MED1: variants seen among roughly 807,000 people sequenced by gnomAD.
MED1 encodes mediator of RNA polymerase II transcription subunit 1.
MED1 carries 17 observed loss-of-function variants against 121.3 expected under a neutral mutation model. The observed-to-expected ratio is 0.14, with a 90% CI of 0.10 to 0.21. The LOEUF (loss-of-function observed/expected upper bound fraction) is 0.21. Ranked by LOEUF, MED1 falls within the 10% of genes least tolerant of loss-of-function variation. The probability of loss-of-function intolerance (pLI) is 1.00; values close to 1 mark genes in which losing one functional copy is unlikely to be tolerated. For missense variants in MED1, 1,558 were observed against 1,919.4 expected (o/e 0.81, Z 3.52); for synonymous variants, 661 against 694.4 (o/e 0.95, Z 0.76).
Position 39,423,803 on chromosome 17 carries a change from T to C in MED1, c.870A>G (p.Ser290=). 3 of 1,612,348 alleles carry C rather than the reference T, an allele frequency of 1.9e-6. No individual in the cohort carries two copies. Among genetic ancestry groups the C allele is most frequent in the Non-Finnish European group, 2.5e-6 (3 of 1,179,612 alleles). Residue 290 remains serine (S), a synonymous_variant, in exon 12 of 17, where the codon TCA becomes TCG. Transcript: ENST00000300651. ...VDNKWTPSFS[S]ITSANSVDLP... ...GATCAACACTGTTGGCACTGGTGATTGAGGAGAAGGAAGGGGTCCTTCAAA... is the reference window on the plus strand; with the variant it reads ...GATCAACACTGTTGGCACTGGTGATCGAGGAGAAGGAAGGGGTCCTTCAAA...
chr17:39,426,527 G>T (rs1400644763), intron 10 of MED1, among the ~76,000 whole-genome samples: 1 of 152,042 alleles, frequency 6.6e-6, no homozygotes, highest in Non-Finnish European at 1.5e-5. Context: ...ACCTAAGGAG[G>T]TATTAGTCCA....
chr17:39,427,283 G>A (rs576174250), intron 10 of MED1, among the ~76,000 whole-genome samples: 1 of 152,232 alleles, frequency 6.6e-6, no homozygotes, highest in East Asian at 1.9e-4. Flanking sequence ...CCGGGTTCAA[G>A]CAATTCTCTT....
chr17:39,440,834 T>A lies in MED1; in HGVS notation c.212-157A>T, dbSNP rs1162865691. On this transcript the variant is annotated intron_variant, in intron 3 of 16. Transcript: ENST00000300651. The surrounding 1 kb of genome is among the most constrained non-coding windows in gnomAD (Gnocchi z 4.1). ...AAAGTTCACTGATTAGGGTTAGCTG[T>A]GGCCTATGCAGTACTAAAGGTCAAA... 6.6e-6 allele frequency among the ~76,000 whole-genome samples: 1 copy of A among 152,132 alleles called. No homozygotes were observed. The highest frequency in any genetic ancestry group is 6.6e-5 in the Admixed American group (1 of 15,246).
chr17:39,447,780 C>T lies in MED1; in HGVS notation c.132+18G>A. On this transcript the variant is annotated intron_variant, in intron 2 of 16. Transcript: ENST00000300651. ...TTATCTAAGCAAAACACTTTACCCA[C>T]TTCACCACAATCCTTACCATGACTT... 6.4e-7 allele frequency: 1 copy of T among 1,573,862 alleles called. No individual in the cohort carries two copies. Among genetic ancestry groups the T allele is most frequent in the South Asian group, 1.1e-5 (1 of 89,506 alleles).
chr17:39,436,963 G>A (rs1254519668), intron 6 of MED1, among the ~76,000 whole-genome samples: 1 of 147,112 alleles, frequency 6.8e-6, no homozygotes, highest in Non-Finnish European at 1.5e-5. Flanking sequence ...ACAGAGTTTT[G>A]TTCTTGTTGC....
intron 16 of MED1, among the ~76,000 whole-genome samples, chr17:39,413,294 AC>A (rs1445767526): frequency 1.3e-5 from 2 of 151,558 alleles, no homozygotes; most frequent in African/African-American, 4.9e-5. Context: ...ACAGAATCTC[AC>A]TCTATCACCC....
Position 39,407,551 on chromosome 17 carries a change from G to C in MED1, c.4670C>G (p.Pro1557Arg), listed in dbSNP as rs76833256. ...CATAAAGTCTGGGCTGAGCCTTGAGGGTCTGTCTGCAGATAAGATTGTGTT... is the reference window on the plus strand; with the variant it reads ...CATAAAGTCTGGGCTGAGCCTTGAGCGTCTGTCTGCAGATAAGATTGTGTT... The part of the protein sequence containing the change: ...TSNTILSADR[P>R]SRLSPDFMIG... Residue 1557 changes from proline (P) to arginine (R), a missense_variant, in exon 17 of 17, where the codon CCC becomes CGC. Physicochemically the swap from Pro to Arg is moderately radical, Grantham distance 103. This residue lies in a region of MED1 where 264 missense variants were observed against 326.1 expected (regional missense o/e 0.81). Coordinates refer to ENST00000300651, the MANE Select transcript of MED1 (RefSeq NM_004774.4). The C allele has an allele frequency of 4.3e-6, 7 of 1,614,066 alleles. No homozygotes were observed. Among genetic ancestry groups the C allele is most frequent in the Non-Finnish European group, 5.9e-6 (7 of 1,180,024 alleles).
At position 39,409,761 on chromosome 17, in the gene MED1, C is replaced by T; in HGVS notation, c.2460G>A (p.Leu820=). The T allele has an allele frequency of 6.2e-7, 1 of 1,614,112 alleles. No homozygotes were observed. Among genetic ancestry groups the T allele is most frequent in the Admixed American group, 1.7e-5 (1 of 60,012 alleles). The change falls in exon 17 of 17, where the codon CTG becomes CTA. Residue 820 remains leucine (L), a synonymous_variant. Coordinates refer to ENST00000300651, the MANE Select transcript of MED1 (RefSeq NM_004774.4). ...TAGTTTGAAAGACATCAGAGTCAAA[C>T]AGGGTACTCTGAGAATGCCCAGAGC... ...SSSSGHSQST[L]FDSDVFQTNN... is the part of the protein sequence containing the mutation.
At chr17:39,426,692 G>A (rs1305743900) in intron 10 of MED1, among the ~76,000 whole-genome samples, 1 of 151,722 alleles carries the variant, frequency 6.6e-6, no homozygotes, top group Non-Finnish European at 1.5e-5. Context: ...GGGCCATCAC[G>A]CCTGGCTAAT....
At position 39,410,547 on chromosome 17, in the gene MED1, A is replaced by G; in HGVS notation, c.1674T>C (p.Ser558=). ...YGMTTGNNPM[S]GTTTPTNTFP... ...AGGTGTTGGTTGGTGTAGTGGTACC[A>G]CTCATTGGGTTGTTGCCTGTGGTCA... The change falls in exon 17 of 17, where the codon AGT becomes AGC. Residue 558 remains serine, a synonymous_variant. Coordinates refer to ENST00000300651, the MANE Select transcript of MED1 (RefSeq NM_004774.4). 1 of 1,613,530 alleles carries G rather than the reference A, an allele frequency of 6.2e-7. No individual in the cohort carries two copies. Among genetic ancestry groups the G allele is most frequent in the Non-Finnish European group, 8.5e-7 (1 of 1,179,888 alleles).
At chr17:39,445,535 T>C (rs1188661205) in intron 2 of MED1, 1 of 152,086 alleles carries the variant, frequency 6.6e-6, no homozygotes, top group Non-Finnish European at 1.5e-5. Flanking sequence ...AAAATCTTGA[T>C]GTACCAATAA....
chr17:39,419,648 A>C (rs577929068), intron 14 of MED1, 69 bp downstream of exon 14: 1 of 1,459,324 alleles, frequency 6.9e-7, no homozygotes, highest in Non-Finnish European at 9.5e-7. Flanking sequence ...CTGATGGGCC[A>C]CCAATTAAAG....
At chr17:39,447,576 CA>C (rs1392586375) in intron 2 of MED1, among the ~76,000 whole-genome samples, 1 of 151,922 alleles carries the variant, frequency 6.6e-6, no homozygotes, top group Non-Finnish European at 1.5e-5. Flanking sequence ...GCAAATATTC[CA>C]AAATCCAAAA....
At chr17:39,412,845 C>T (rs1228648659) in intron 16 of MED1, among the ~76,000 whole-genome samples, 1 of 152,008 alleles carries the variant, frequency 6.6e-6, no homozygotes, top group African/African-American at 2.4e-5. Flanking sequence ...GCAAATTTTT[C>T]TTATAAGGCC....
At chr17:39,414,723 G>A (rs2048391641) in intron 16 of MED1, among the ~76,000 whole-genome samples, 2 of 132,018 alleles carry the variant, frequency 1.5e-5, no homozygotes, top group Non-Finnish European at 3.1e-5. Context: ...AGGCTGGAGT[G>A]CAATGGCGCA....
intron 16 of MED1, among the ~76,000 whole-genome samples, chr17:39,412,228 CTTTT>C (rs1163616624): frequency 7.6e-6 from 1 of 132,248 alleles, no homozygotes. Flanking sequence ...ATTTTTTTTT[CTTTT>C]TTTTTTTTTT....
intron 6 of MED1, among the ~76,000 whole-genome samples, chr17:39,436,250 A>G (rs1005162194): frequency 6.6e-6 from 1 of 151,314 alleles, no homozygotes; most frequent in African/African-American, 2.4e-5. Context: ...AGTCCCAGCT[A>G]CTCGGGAGGC....
At chr17:39,427,845 A>G in intron 9 of MED1, 55 bp from the exon 10 acceptor site, 2 of 1,070,958 alleles carry the variant, frequency 1.9e-6, no homozygotes, top group Non-Finnish European at 2.8e-6. Flanking sequence ...ACAAACACAG[A>G]AAAACATTAA....
chr17:39,430,625 G>A (rs1417387639), intron 9 of MED1, among the ~76,000 whole-genome samples: 3 of 151,288 alleles, frequency 2.0e-5, no homozygotes, highest in Non-Finnish European at 2.9e-5. Flanking sequence ...CCTGGGAGGC[G>A]GAGCTTGCAG....
Sources: allele counts gnomAD v4.1 joint callset (sites outside exome capture counted in the v4.1 genomes callset), GRCh38; gene constraint gnomAD v4.1.1; regional missense constraint gnomAD v4.1.1; non-coding constraint Gnocchi (gnomAD v3.1); transcripts MANE v1.5; gene names NCBI Gene and HGNC (gene_info 2026-07-23, HGNC 2026-07-21).